Variants in TBC1D21 observed in about 807,000 individuals in gnomAD.
The protein encoded by TBC1D21 is TBC1 domain family member 21.
A neutral mutation model predicts 46.0 loss-of-function variants in TBC1D21; 38 were observed. The observed-to-expected ratio is 0.83, with a 90% CI of 0.64 to 1.08. The LOEUF (loss-of-function observed/expected upper bound fraction) is 1.08, where lower values mean the gene tolerates loss of function less well. Ranked by LOEUF, TBC1D21 falls within the 50% of genes least tolerant of loss-of-function variation. The pLI, the probability that TBC1D21 is intolerant of heterozygous loss-of-function variation, is 0.00. For synonymous variants in TBC1D21, 151 were observed against 157.2 expected, an observed-to-expected ratio of 0.96 and a Z score of 0.29; for missense variants, 415 against 417.9, an observed-to-expected ratio of 0.99 and a Z score of 0.06.
chr15:73,893,273 A>G (rs530726966), downstream of TBC1D21, among the ~76,000 whole-genome samples: 81 of 152,304 alleles, frequency 5.3e-4, no homozygotes, highest in African/African-American at 1.8e-3. Context: ...TGACTAATTC[A>G]TTCTGAAAAA....
chr15:73,877,514 T>TAAAAAAAAA (rs541803630), intron 1 of TBC1D21, among the ~76,000 whole-genome samples: 1 of 72,696 alleles, frequency 1.4e-5, no homozygotes, highest in Admixed American at 1.7e-4. Flanking sequence ...TCCAGAAAAC[T>TAAAAAAAAA]AAAAAAAAAA....
intron 1 of TBC1D21, among the ~76,000 whole-genome samples, chr15:73,878,593 A>G (rs1567063571): frequency 6.6e-6 from 1 of 152,252 alleles, no homozygotes; most frequent in Non-Finnish European, 1.5e-5. Flanking sequence ...ACTGAAAACT[A>G]CAAGACACTG....
chr15:73,886,227 G>A (rs1195336674), intron 7 of TBC1D21, 53 bp downstream of exon 7: 82 of 1,518,650 alleles, frequency 5.4e-5, no homozygotes, highest in Non-Finnish European at 1.8e-6. Flanking sequence ...CATGGGAAGG[G>A]GGCTGGGACC....
the TBC1D21 span, among the ~76,000 whole-genome samples, chr15:73,898,633 G>A: frequency 2.0e-5 from 3 of 151,806 alleles, no homozygotes; most frequent in African/African-American, 7.3e-5. Context: ...GGAGGCTGAG[G>A]TGGGCGGATC....
intron 1 of TBC1D21, among the ~76,000 whole-genome samples, chr15:73,880,819 C>G (rs1376890448): frequency 6.6e-6 from 1 of 152,138 alleles, no homozygotes; most frequent in East Asian, 1.9e-4. Flanking sequence ...TTTCCTATCA[C>G]TCAGAGATAA....
chr15:73,879,406 T>C (rs2068115022), intron 1 of TBC1D21, among the ~76,000 whole-genome samples: 2 of 152,136 alleles, frequency 1.3e-5, no homozygotes, highest in African/African-American at 2.4e-5. Context: ...TTAGTAGATA[T>C]GGGGTTTTAT....
chr15:73,874,143 A>G (rs1336659483), intron 1 of TBC1D21, among the ~76,000 whole-genome samples: 7 of 152,256 alleles, frequency 4.6e-5, no homozygotes, highest in Non-Finnish European at 1.0e-4. Context: ...AACCCAGTTT[A>G]CAAGATACAG....
chr15:73,886,325 A>G, intron 7 of TBC1D21, 151 bp downstream of exon 7: 2 of 871,116 alleles, frequency 2.3e-6, no homozygotes, highest in South Asian at 3.2e-5. Context: ...GGTTATCTGG[A>G]TGGGGTTGGA....
downstream of TBC1D21, among the ~76,000 whole-genome samples, chr15:73,891,684 T>A (rs2068337820): frequency 6.6e-6 from 1 of 152,166 alleles, no homozygotes; most frequent in South Asian, 2.1e-4. Context: ...CCACTCTGAT[T>A]TCGGAGCAAA....
intron 1 of TBC1D21, 53 bp downstream of exon 1, chr15:73,873,822 A>G (rs902699694): frequency 1.3e-6 from 2 of 1,576,984 alleles, no homozygotes; most frequent in Non-Finnish European, 1.7e-6. Flanking sequence ...TCTGGTTGGC[A>G]CTGGGACCAT....
At chr15:73,901,686 G>A in the TBC1D21 span, among the ~76,000 whole-genome samples, 19 of 152,292 alleles carry the variant, frequency 1.2e-4, no homozygotes, top group East Asian at 3.7e-3. Context: ...GGTGCTGCCT[G>A]CATTCCTGGG....
chr15:73,876,793 A>G (rs1398972828), intron 1 of TBC1D21, among the ~76,000 whole-genome samples: 2 of 151,756 alleles, frequency 1.3e-5, no homozygotes, highest in African/African-American at 4.8e-5. Context: ...TTCGTCATTT[A>G]TTTTTTAATC....
chr15:73,895,721 C>T, the TBC1D21 span, among the ~76,000 whole-genome samples: 5 of 152,120 alleles, frequency 3.3e-5, no homozygotes, highest in African/African-American at 4.8e-5. Context: ...TCTTTACGTA[C>T]GGGCATGGCT....
the TBC1D21 span, chr15:73,908,289 G>A: frequency 6.6e-6 from 1 of 152,260 alleles, no homozygotes; most frequent in Non-Finnish European, 1.5e-5. Context: ...ACAATTTGAT[G>A]AGTGTAACAC....
At chr15:73,894,077 C>T (rs567890879), downstream of TBC1D21, among the ~76,000 whole-genome samples, 1 of 152,328 alleles carries the variant, frequency 6.6e-6, no homozygotes, top group African/African-American at 2.4e-5. Context: ...TCATTACCAG[C>T]GAGGAACCTG....
At chr15:73,878,877 T>G (rs1215152801) in intron 1 of TBC1D21, among the ~76,000 whole-genome samples, 1 of 152,218 alleles carries the variant, frequency 6.6e-6, no homozygotes, top group African/African-American at 2.4e-5. Flanking sequence ...CCACATTGCA[T>G]GCTGAGTGTT....
intron 1 of TBC1D21, among the ~76,000 whole-genome samples, chr15:73,876,521 G>A (rs891034485): frequency 2.6e-4 from 40 of 151,682 alleles, no homozygotes; most frequent in Non-Finnish European, 5.0e-4. Flanking sequence ...GGGATTACAG[G>A]CGTGAGCCAC....
Position 73,889,148 on chromosome 15 carries a change from AAGGCC to A in TBC1D21, c.*51_*55del. On this transcript the variant is annotated 3_prime_UTR_variant, in exon 11 of 11. Coordinates refer to ENST00000300504, the MANE Select transcript of TBC1D21 (RefSeq NM_153356.3). ...ACTGATGCCTTCGATGGGCAGGATGAAGGCCAGGGGCACTGGAGTGAGGGAGTAGA... is the reference window on the plus strand; with the variant it reads ...ACTGATGCCTTCGATGGGCAGGATGAAGGGGCACTGGAGTGAGGGAGTAGA... 1.9e-6 allele frequency: 3 copies of A among 1,600,618 alleles called. No individual in the cohort carries two copies. Among genetic ancestry groups the A allele is most frequent in the Non-Finnish European group, 2.6e-6 (3 of 1,171,038 alleles).
downstream of TBC1D21, among the ~76,000 whole-genome samples, chr15:73,891,126 C>T (rs543110871): frequency 6.6e-6 from 1 of 152,284 alleles, no homozygotes; most frequent in South Asian, 2.1e-4. Context: ...TAGGATCTTC[C>T]CACCATGCTG....
Sources: gnomAD v4.1 joint callset for allele counts (sites outside exome capture counted in the v4.1 genomes callset) on GRCh38, gnomAD v4.1.1 for gene constraint, MANE v1.5 for transcripts, NCBI Gene and HGNC (gene_info 2026-07-23, HGNC 2026-07-21) for gene names.